SGSM2: variants seen among roughly 807,000 people sequenced by gnomAD.
The protein encoded by SGSM2 is RUN and TBC1 domain containing 1.
Under a neutral mutation model 126.6 loss-of-function variants are expected in SGSM2, and 89 were observed. That is an observed-to-expected ratio of 0.70 (90% confidence interval 0.59 to 0.84). SGSM2 has a LOEUF of 0.84. SGSM2 is among the 40% of genes least tolerant of loss of function. The probability of loss-of-function intolerance (pLI) is 0.00; values close to 1 mark genes in which losing one functional copy is unlikely to be tolerated. For missense variants in SGSM2, 1,404 were observed against 1,416.6 expected (o/e 0.99, Z 0.14); for synonymous variants, 614 against 574.3 (o/e 1.07, Z -0.99).
chr17:2,358,376 A>G (rs926055385), intron 2 of SGSM2, among the ~76,000 whole-genome samples: 2 of 152,036 alleles, frequency 1.3e-5, no homozygotes, highest in Non-Finnish European at 2.9e-5. Flanking sequence ...GTCTCCATGT[A>G]TGTTTCAATT....
chr17:2,342,845 C>A (rs946503048), intron 1 of SGSM2, among the ~76,000 whole-genome samples: 1 of 151,846 alleles, frequency 6.6e-6, no homozygotes, highest in Admixed American at 6.6e-5. Context: ...GGCGTGGTGG[C>A]ATGCACCTGT....
Position 2,379,996 on chromosome 17 carries a change from G to T in SGSM2, c.*476G>T. The T allele has an allele frequency of 7.2e-7, 1 of 1,386,542 alleles. No individual in the cohort carries two copies. Among genetic ancestry groups the T allele is most frequent in the South Asian group, 1.7e-5 (1 of 60,096 alleles). 85.9% of individuals were successfully genotyped at this position (1,386,542 alleles called of 1,614,324 possible). A position where few individuals can be genotyped will look rare whatever the true frequency, so the allele number is the denominator to read the frequency against. On this transcript the variant is annotated 3_prime_UTR_variant, in exon 24 of 24. Coordinates refer to ENST00000268989, the MANE Select transcript of SGSM2 (RefSeq NM_014853.3). ...ATTGTGCGTGCACCAGCCCCAGCTG[G>T]AGCAACCAAAACTGCTTCTGGTTTA...
Position 2,375,595 on chromosome 17 carries a change from C to A in SGSM2, c.2204C>A (p.Ala735Asp). Residue 735 changes from alanine (A) to aspartate (D), a missense_variant, in exon 18 of 24, where the codon GCC becomes GAC. Ala to Asp is a moderately radical substitution (Grantham distance 126). Transcript: ENST00000268989. ...GCAGGACCCGGGACTCCGGGCACCG[C>A]CGTGGTGGAGCAGCAGCATTCCGTG... ...QEAGPGTPGT[A>D]VVEQQHSVEF... The A allele has an allele frequency of 1.2e-6, 2 of 1,613,932 alleles. No individual in the cohort carries two copies. The highest frequency in any genetic ancestry group is 1.7e-6 in the Non-Finnish European group (2 of 1,180,022).
chr17:2,360,198 T>C (rs2065254157), intron 2 of SGSM2, among the ~76,000 whole-genome samples: 1 of 151,986 alleles, frequency 6.6e-6, no homozygotes, highest in Non-Finnish European at 1.5e-5. Flanking sequence ...AAAAATTAGC[T>C]GGGCATGGTG....
At position 2,375,489 on chromosome 17, in the gene SGSM2, C is replaced by G. The variant is rs769044757; in HGVS notation, c.2101-3C>G. ...GTGGAGCCGCCCTGTGTTCACCCCC[C>G]AGGTGTTTATCTCAGTGGATGATCT... On this transcript the variant is annotated splice_polypyrimidine_tract_variant and splice_region_variant and intron_variant, in intron 17 of 23. Coordinates refer to ENST00000268989, the MANE Select transcript of SGSM2 (RefSeq NM_014853.3). 51 of 1,604,252 alleles carry G rather than the reference C, an allele frequency of 3.2e-5. No homozygotes were observed. Among genetic ancestry groups the G allele is most frequent in the Non-Finnish European group, 4.3e-5 (50 of 1,174,306 alleles).
At chr17:2,340,467 C>T (rs917328900) in intron 1 of SGSM2, among the ~76,000 whole-genome samples, 2 of 152,102 alleles carry the variant, frequency 1.3e-5, no homozygotes, top group African/African-American at 4.8e-5. Context: ...TATACTGCTC[C>T]AAAAGTGATT....
chr17:2,378,038 C>T (rs1440560528), intron 22 of SGSM2, 85 bp downstream of exon 22: 1 of 879,946 alleles, frequency 1.1e-6, no homozygotes, highest in East Asian at 2.6e-5. Context: ...TCAATCCTAA[C>T]TGGACCTTGG....
rs572796267 is a variant in SGSM2, at chr17:2,347,304, A to T, written c.133+3684A>T. Among the ~76,000 whole-genome samples, 6 of 151,746 alleles carry T rather than the reference A, an allele frequency of 4.0e-5. No individual in the cohort carries two copies. In the East Asian group the frequency reaches 1.2e-3, roughly 30 times the overall value. ...TATTTTTAGTAGAGACAGGGGTTTC[A>T]CCATGTTGGCCAGGCTGGTCTCGAA... is the stretch of plus-strand genomic sequence containing the variant. On this transcript the variant is annotated intron_variant, in intron 2 of 23. Transcript: ENST00000268989.
chr17:2,375,536 C>T lies in SGSM2; in HGVS notation c.2145C>T (p.Asp715=), dbSNP rs763998833. The change falls in exon 18 of 24, where the codon GAC becomes GAT. Residue 715 remains aspartate (D), a synonymous_variant. Transcript: ENST00000268989. The part of the protein sequence containing the change: ...VDDLEPPEPQ[D]PEDSRPKPEQ... The stretch of plus-strand genomic sequence containing the variant: ...ATCTGGAACCCCCGGAGCCCCAGGA[C>T]CCTGAAGATTCCAGACCAAAACCTG... The T allele has an allele frequency of 8.1e-6, 13 of 1,613,490 alleles. No individual in the cohort carries two copies. Among genetic ancestry groups the T allele is most frequent in the Middle Eastern group, 1.7e-4 (1 of 6,056 alleles).
chr17:2,377,846 ACC>A lies in SGSM2; in HGVS notation c.2803-9_2803-8del. 3 of 1,580,804 alleles carry A rather than the reference ACC, an allele frequency of 1.9e-6. No homozygotes were observed. The highest frequency in any genetic ancestry group is 2.6e-6 in the Non-Finnish European group (3 of 1,150,262). On this transcript the variant is annotated splice_polypyrimidine_tract_variant and intron_variant, in intron 21 of 23. Transcript: ENST00000268989. ...GGGCTCAGCCTCTCTCCCTTTTCCC[ACC>A]CACATAAGATCCTGGACTCAGAGCT...
chr17:2,372,159 C>T lies in SGSM2; in HGVS notation c.1578-31C>T. 2 of 1,612,526 alleles carry T rather than the reference C, an allele frequency of 1.2e-6. No individual in the cohort carries two copies. Among genetic ancestry groups the T allele is most frequent in the Non-Finnish European group, 1.7e-6 (2 of 1,179,406 alleles). Reference sequence around the variant, plus strand: ...CTCCTCCCACCAGAGGGGCCGCAGCCCCTCCCTGCTGAGCCCGGTTGTTGC... The same window carrying T: ...CTCCTCCCACCAGAGGGGCCGCAGCTCCTCCCTGCTGAGCCCGGTTGTTGC... On this transcript the variant is annotated intron_variant, in intron 13 of 23. Coordinates refer to ENST00000268989, the MANE Select transcript of SGSM2 (RefSeq NM_014853.3). The surrounding 1 kb of genome is among the most constrained non-coding windows in gnomAD (Gnocchi z 6.0).
At position 2,371,230 on chromosome 17, in the gene SGSM2, G is replaced by A. The variant is rs2065855296; in HGVS notation, c.1424-32G>A. On this transcript the variant is annotated intron_variant, in intron 12 of 23. Transcript: ENST00000268989. The stretch of plus-strand genomic sequence containing the variant: ...GGTGCCTGGGAGAGAAGGTGTCTCA[G>A]GCCCTGACCATGCCACCCTTCCTGC... 6 of 1,597,650 alleles carry A rather than the reference G, an allele frequency of 3.8e-6. No homozygotes were observed. The Admixed American group carries it at 8.5e-5, about 23-fold the overall frequency.
In SGSM2 at chr17:2,371,409, C is replaced by A; in HGVS notation, c.1571C>A (p.Pro524His). 1.3e-6 allele frequency: 2 copies of A among 1,598,138 alleles called. No homozygotes were observed. Among genetic ancestry groups the A allele is most frequent in the Non-Finnish European group, 1.7e-6 (2 of 1,171,542 alleles). The change falls in exon 13 of 24, where the codon CCC becomes CAC. Residue 524 changes from proline to histidine, a missense_variant. Transcript: ENST00000268989. ...ACCCCCAGCCACTGTAGCTGCATCC[C>A]CGACCGGTGAGTGGGCAGCGCTCGG... ...HATPSHCSCI[P>H]DRLPLRLLCE...
intron 1 of SGSM2, among the ~76,000 whole-genome samples, chr17:2,342,846 A>C (rs955991121): frequency 6.6e-6 from 1 of 151,798 alleles, no homozygotes; most frequent in Admixed American, 6.6e-5. Flanking sequence ...GCGTGGTGGC[A>C]TGCACCTGTT....
chr17:2,361,880 A>G, intron 3 of SGSM2, 81 bp downstream of exon 3: 2 of 1,497,532 alleles, frequency 1.3e-6, no homozygotes, highest in Non-Finnish European at 1.8e-6. Context: ...CACCCATCGG[A>G]AAGTTGGCAT....
chr17:2,339,400 A>G (rs929040189), intron 1 of SGSM2, among the ~76,000 whole-genome samples: 1 of 152,078 alleles, frequency 6.6e-6, no homozygotes, highest in Non-Finnish European at 1.5e-5. Flanking sequence ...GAACCACTGC[A>G]GTCTAGCCTG....
Position 2,337,795 on chromosome 17 carries a change from C to T in SGSM2, c.57+50C>T. 3 of 1,414,394 alleles carry T rather than the reference C, an allele frequency of 2.1e-6. No individual in the cohort carries two copies. The highest frequency in any genetic ancestry group is 2.8e-6 in the Non-Finnish European group (3 of 1,058,328). 87.6% of individuals were successfully genotyped at this position (1,414,394 alleles called of 1,614,324 possible). A position where few individuals can be genotyped will look rare whatever the true frequency, so the allele number is the denominator to read the frequency against. ...GGGGCTCGCGCCCTGGCCCGCGCGGCCCAGGGGGCAGAAAGGTCCGCGCCC... is the reference window on the plus strand; with the variant it reads ...GGGGCTCGCGCCCTGGCCCGCGCGGTCCAGGGGGCAGAAAGGTCCGCGCCC... On this transcript the variant is annotated intron_variant, in intron 1 of 23. Coordinates refer to ENST00000268989, the MANE Select transcript of SGSM2 (RefSeq NM_014853.3). This position sits in a 1 kb window ranked among gnomAD's most constrained non-coding sequence, Gnocchi z 5.1.
chr17:2,354,699 C>G (rs2447108), intron 2 of SGSM2, among the ~76,000 whole-genome samples: 2 of 152,054 alleles, frequency 1.3e-5, no homozygotes. Flanking sequence ...TGCGTCTATA[C>G]GGGTTGCAGC....
intron 2 of SGSM2, among the ~76,000 whole-genome samples, chr17:2,358,202 C>T (rs1022714914): frequency 1.6e-4 from 25 of 152,124 alleles, no homozygotes; most frequent in Admixed American, 9.8e-4. Context: ...CCAGTCAGAA[C>T]GGGGGATAAG....
Sources: gnomAD v4.1 joint callset for allele counts (sites outside exome capture counted in the v4.1 genomes callset) on GRCh38, gnomAD v4.1.1 for gene constraint, Gnocchi (gnomAD v3.1) non-coding constraint, MANE v1.5 for transcripts, NCBI Gene and HGNC (gene_info 2026-07-23, HGNC 2026-07-21) for gene names.